ZMIZ2: variants seen among roughly 807,000 people sequenced by gnomAD.
The protein encoded by ZMIZ2 is zinc finger MIZ domain-containing protein 2.
Under a neutral mutation model 93.9 loss-of-function variants are expected in ZMIZ2, and 26 were observed. The observed-to-expected ratio is 0.28, with a 90% confidence interval of 0.20 to 0.38. ZMIZ2 has a LOEUF of 0.38. Among genes scored for constraint, ZMIZ2 ranks in the 10% least tolerant of loss-of-function variants. The pLI, the probability that ZMIZ2 is intolerant of heterozygous loss-of-function variation, is 1.00. For synonymous variants in ZMIZ2, 485 were observed against 516.4 expected (o/e 0.94, Z 0.82); for missense variants, 1,023 against 1,235.0 (o/e 0.83, Z 2.57).
At position 44,763,587 on chromosome 7, in the gene ZMIZ2, G is replaced by C. The variant is rs541087759; in HGVS notation, c.1860+174G>C. On this transcript the variant is annotated intron_variant, in intron 13 of 18. Coordinates refer to ENST00000309315, the MANE Select transcript of ZMIZ2 (RefSeq NM_031449.4). The surrounding 1 kb of genome is among the most constrained non-coding windows in gnomAD (Gnocchi z 5.6). ...GTGGGCCTGGCTCCCCCAAGACTAG[G>C]CTATTTTTTCTTCCAAATATAATTG... 4 of 779,398 alleles carry C rather than the reference G, an allele frequency of 5.1e-6. No homozygotes were observed. The highest frequency in any genetic ancestry group is 1.8e-5 in the African/African-American group (1 of 56,536). The allele number at this position is 779,398 out of a possible 1,614,324, so 48.3% of individuals were successfully genotyped here.
In ZMIZ2 at chr7:44,757,896, C is replaced by T. The variant is rs1177641249; in HGVS notation, c.601C>T (p.Pro201Ser). The change falls in exon 6 of 19, where the codon CCC becomes TCC. Residue 201 changes from proline to serine, a missense_variant. Physicochemically the swap from Pro to Ser is moderately conservative, Grantham distance 74. Coordinates refer to ENST00000309315, the MANE Select transcript of ZMIZ2 (RefSeq NM_031449.4). ...CAGCCAGTTTCTGCAGCATGGAGGT[C>T]CCCGGGGGCCTAGTGTCCCCGCTGG... Reference protein sequence around the residue: ...FNSQFLQHGGPRGPSVPAGMN... With the variant: ...FNSQFLQHGGSRGPSVPAGMN... 6.2e-7 allele frequency: 1 copy of T among 1,603,938 alleles called. No homozygotes were observed. Among genetic ancestry groups the T allele is most frequent in the Admixed American group, 1.7e-5 (1 of 58,304 alleles).
In ZMIZ2 at chr7:44,766,739, T is replaced by TGGAACAG. The variant is rs1373426533; in HGVS notation, c.2655+80_2655+81insCAGGGAA. On this transcript the variant is annotated intron_variant, in intron 18 of 18. Coordinates refer to ENST00000309315, the MANE Select transcript of ZMIZ2 (RefSeq NM_031449.4). The surrounding 1 kb of genome is among the most constrained non-coding windows in gnomAD (Gnocchi z 4.4). ...TGGTGTGTCTGTTCCAGGTGCGTTC[T>TGGAACAG]GGAAGGGAAGACAGTGACCCCTCAG... The TGGAACAG allele has an allele frequency of 3.2e-6, 5 of 1,577,406 alleles. No homozygotes were observed. Among genetic ancestry groups the TGGAACAG allele is most frequent in the Non-Finnish European group, 4.3e-6 (5 of 1,158,918 alleles).
chr7:44,761,300 CAGGCCTGCCAAGCAGTGCCTG>C lies in ZMIZ2; in HGVS notation c.1241-147_1241-127del. 7.7e-7 allele frequency: 1 copy of C among 1,296,346 alleles called. No homozygotes were observed. The highest frequency in any genetic ancestry group is 1.0e-6 in the Non-Finnish European group (1 of 964,416). The allele number at this position is 1,296,346 out of a possible 1,614,324, so 80.3% of individuals were successfully genotyped here. A position where few individuals can be genotyped will look rare whatever the true frequency, so the allele number is the denominator to read the frequency against. On this transcript the variant is annotated intron_variant, in intron 9 of 18. Coordinates refer to ENST00000309315, the MANE Select transcript of ZMIZ2 (RefSeq NM_031449.4). This position sits in a 1 kb window ranked among gnomAD's most constrained non-coding sequence, Gnocchi z 5.8. ...ATGGCCCCAGCCCCAGGGCACCACT[CAGGCCTGCCAAGCAGTGCCTG>C]ACAGGAGGGGCTCCCTTCACCAAGG...
At position 44,759,289 on chromosome 7, in the gene ZMIZ2, A is replaced by G; in HGVS notation, c.822A>G (p.Pro274=). Residue 274 remains proline, a synonymous_variant, in exon 7 of 19, where the codon CCA becomes CCG. Transcript: ENST00000309315. ...TTTTGCCTCTTTTTCAGGTGTATCC[A>G]GGGCAGCAGTATCTGCAAGGAGGCC... ...GVKRTYSEVY[P]GQQYLQGGQY... is the part of the protein sequence containing the mutation. 1 of 1,541,918 alleles carries G rather than the reference A, an allele frequency of 6.5e-7. No homozygotes were observed. Among genetic ancestry groups the G allele is most frequent in the Non-Finnish European group, 8.7e-7 (1 of 1,145,196 alleles).
Position 44,766,292 on chromosome 7 carries a change from C to T in ZMIZ2, c.2371C>T (p.Leu791Phe). ...ISYQSDIPSS[L>F]LTSEKSTACL... ...CTACCAGTCTGACATTCCCAGCAGC[C>T]TCCTGACTTCAGAGAAGTCTACCGC... Residue 791 changes from leucine (L) to phenylalanine (F), a missense_variant, in exon 17 of 19, where the codon CTC becomes TTC. This residue lies in a region of ZMIZ2 where 319 missense variants were observed against 358.8 expected (regional missense o/e 0.89). Coordinates refer to ENST00000309315, the MANE Select transcript of ZMIZ2 (RefSeq NM_031449.4). The surrounding 1 kb of genome is among the most constrained non-coding windows in gnomAD (Gnocchi z 4.4). 6.3e-7 allele frequency: 1 copy of T among 1,599,228 alleles called. No individual in the cohort carries two copies. Among genetic ancestry groups the T allele is most frequent in the South Asian group, 1.1e-5 (1 of 88,300 alleles).
rs1180736920 is a variant in ZMIZ2 at position 44,768,790 on chromosome 7, A to G, written c.*1167A>G. 2 of 152,224 alleles carry G rather than the reference A, an allele frequency of 1.3e-5. No homozygotes were observed. Among genetic ancestry groups the G allele is most frequent in the African/African-American group, 4.8e-5 (2 of 41,456 alleles). 9.4% of individuals were successfully genotyped at this position (152,224 alleles called of 1,614,324 possible). The stretch of plus-strand genomic sequence containing the variant: ...TGGGCTGTGCCTGCAAAGCTTGTGC[A>G]GGACCTGGGGGCCAGGTCGACCTTC... On this transcript the variant is annotated 3_prime_UTR_variant, in exon 19 of 19. Transcript: ENST00000309315.
At chr7:44,754,810 C>T (rs773225452) in intron 1 of ZMIZ2, among the ~76,000 whole-genome samples, 1 of 152,184 alleles carries the variant, frequency 6.6e-6, no homozygotes, top group East Asian at 1.9e-4. Context: ...GTATCCAAGG[C>T]GAGCATGCCT....
chr7:44,759,238 T>A (rs1016486998), intron 6 of ZMIZ2, 43 bp from the exon 7 acceptor site: 7 of 1,453,028 alleles, frequency 4.8e-6, no homozygotes, highest in Non-Finnish European at 6.4e-6. Flanking sequence ...CCAGCTCCCC[T>A]GATGCCTTTT....
Position 44,762,965 on chromosome 7 carries a change from G to T in ZMIZ2, c.1681G>T (p.Ala561Ser). ...QGLLKKRLLP[A>S]EHCITKIKRN... Reference sequence around the variant, plus strand: ...CCTCCTCAAAAAGCGCCTCCTGCCTGCTGAGCACTGCATCACCAAGAGTGA... The same window carrying T: ...CCTCCTCAAAAAGCGCCTCCTGCCTTCTGAGCACTGCATCACCAAGAGTGA... Residue 561 changes from alanine to serine, a missense_variant, in exon 12 of 19, where the codon GCT (alanine) becomes TCT (serine). Physicochemically the swap from Ala to Ser is moderately conservative, Grantham distance 99. Around this residue, in one of 3 missense-constraint regions of ZMIZ2, gnomAD observed 656 missense variants for 777.1 expected, o/e 0.84. Transcript: ENST00000309315. 1 of 1,613,224 alleles carries T rather than the reference G, an allele frequency of 6.2e-7. No individual in the cohort carries two copies. Among genetic ancestry groups the T allele is most frequent in the Non-Finnish European group, 8.5e-7 (1 of 1,179,486 alleles).
At position 44,767,504 on chromosome 7, in the gene ZMIZ2, C is replaced by T; in HGVS notation, c.2656-12C>T. The T allele has an allele frequency of 1.2e-6, 2 of 1,612,074 alleles. No homozygotes were observed. Among genetic ancestry groups the T allele is most frequent in the Non-Finnish European group, 1.7e-6 (2 of 1,178,174 alleles). ...TGACCAAAGCTGCTAACAGAGTTCACTTTGTCCTCAGCTGCTCCCGGAACT... is the reference window on the plus strand; with the variant it reads ...TGACCAAAGCTGCTAACAGAGTTCATTTTGTCCTCAGCTGCTCCCGGAACT... On this transcript the variant is annotated splice_polypyrimidine_tract_variant and intron_variant, in intron 18 of 18. Transcript: ENST00000309315.
Position 44,762,995 on chromosome 7 carries a change from C to A in ZMIZ2, c.1702+9C>A. 1 of 1,604,148 alleles carries A rather than the reference C, an allele frequency of 6.2e-7. No homozygotes were observed. On this transcript the variant is annotated intron_variant, in intron 12 of 18. Transcript: ENST00000309315. ...GCACTGCATCACCAAGAGTGAGTGG[C>A]TCCTGCCCCTCAGCTGCCAGGCAGC... is the stretch of plus-strand genomic sequence containing the variant.
Position 44,761,892 on chromosome 7 carries a change from C to T in ZMIZ2, c.1583C>T (p.Thr528Ile). 6.2e-7 allele frequency: 1 copy of T among 1,613,226 alleles called. No homozygotes were observed. Among genetic ancestry groups the T allele is most frequent in the Non-Finnish European group, 8.5e-7 (1 of 1,179,996 alleles). The change falls in exon 11 of 19, where the codon ACC becomes ATC. Residue 528 changes from threonine (T) to isoleucine (I), a missense_variant. This residue lies in a region of ZMIZ2 where 656 missense variants were observed against 777.1 expected (regional missense o/e 0.84). Coordinates refer to ENST00000309315, the MANE Select transcript of ZMIZ2 (RefSeq NM_031449.4). The surrounding 1 kb of genome is among the most constrained non-coding windows in gnomAD (Gnocchi z 5.8). ...CGCAACACCATCCAGATCACCGTCA[C>T]CGCCTGCTGCTGCGTGCGTGTCCTG... is the stretch of plus-strand genomic sequence containing the variant. Reference protein sequence around the residue: ...PGRNTIQITVTACCCSHLFVL... With the variant: ...PGRNTIQITVIACCCSHLFVL...
intron 14 of ZMIZ2, 140 bp downstream of exon 14, chr7:44,764,626 C>T (rs2289379): frequency 0.36 from 343,057 of 944,746 alleles, 67,102 homozygotes; most frequent in Non-Finnish European, 0.39. Context: ...TGCAGCTCAG[C>T]GCAGAGAGCT....
rs769773003 is a variant in ZMIZ2, at chr7:44,761,487, G to A, written c.1279G>A (p.Val427Met). The change falls in exon 10 of 19, where the codon GTG (valine) becomes ATG (methionine). Residue 427 changes from valine (V) to methionine (M), a missense_variant. Around this residue, in one of 3 missense-constraint regions of ZMIZ2, gnomAD observed 656 missense variants for 777.1 expected, o/e 0.84. Transcript: ENST00000309315. The surrounding 1 kb of genome is among the most constrained non-coding windows in gnomAD (Gnocchi z 5.8). Reference sequence around the variant, plus strand: ...TGACGAGTTGCGGCTGACCTTCCCTGTGCGCGATGGGGTGGTCCTGGAGCC... The same window carrying A: ...TGACGAGTTGCGGCTGACCTTCCCTATGCGCGATGGGGTGGTCCTGGAGCC... ...PCDELRLTFP[V>M]RDGVVLEPFR... 1 of 1,613,962 alleles carries A rather than the reference G, an allele frequency of 6.2e-7. No individual in the cohort carries two copies. Among genetic ancestry groups the A allele is most frequent in the Admixed American group, 1.7e-5 (1 of 60,030 alleles).
rs1026977230 is a variant in ZMIZ2 at position 44,765,565 on chromosome 7, A to T, written c.2228A>T (p.Asp743Val). ...LQPPSVPAPS[D>V]YPGQGSSFLG... ...CCCCCCTCAGTCCCTGCCCCCAGCG[A>T]CTACCCTGGCCAGGGTAAGTACAGC... The change falls in exon 16 of 19, where the codon GAC becomes GTC. Residue 743 changes from aspartate (D) to valine (V), a missense_variant. Around this residue, in one of 3 missense-constraint regions of ZMIZ2, gnomAD observed 319 missense variants for 358.8 expected, o/e 0.89. Coordinates refer to ENST00000309315, the MANE Select transcript of ZMIZ2 (RefSeq NM_031449.4). The surrounding 1 kb of genome is among the most constrained non-coding windows in gnomAD (Gnocchi z 4.1). The T allele has an allele frequency of 7.8e-7, 1 of 1,286,316 alleles. No homozygotes were observed. The highest frequency in any genetic ancestry group is 1.0e-6 in the Non-Finnish European group (1 of 986,016). The allele number at this position is 1,286,316 out of a possible 1,614,324, so 79.7% of individuals were successfully genotyped here.
rs1583625184 is a variant in ZMIZ2, at chr7:44,757,686, A to C, written c.552+125A>C. ...TGCCAGGGCTCATGAAGCCAGTAAA[A>C]GAGAGATGTGTGGGAAGGAGTGAGG... On this transcript the variant is annotated intron_variant, in intron 5 of 18. Coordinates refer to ENST00000309315, the MANE Select transcript of ZMIZ2 (RefSeq NM_031449.4). 5.6e-6 allele frequency: 8 copies of C among 1,436,850 alleles called. No homozygotes were observed. The East Asian group carries it at 1.7e-4, about 31-fold the overall frequency. 89.0% of individuals were successfully genotyped at this position (1,436,850 alleles called of 1,614,324 possible). A position where few individuals can be genotyped will look rare whatever the true frequency, so the allele number is the denominator to read the frequency against.
At chr7:44,749,372 C>T (rs553006144) in intron 1 of ZMIZ2, among the ~76,000 whole-genome samples, 14 of 152,294 alleles carry the variant, frequency 9.2e-5, no homozygotes, top group African/African-American at 3.4e-4. Flanking sequence ...CTGATCGTTC[C>T]TAGCTTTGGG....
At position 44,766,219 on chromosome 7, in the gene ZMIZ2, C is replaced by T. The variant is rs1485747830; in HGVS notation, c.2298C>T (p.Pro766=). 6.2e-7 allele frequency: 1 copy of T among 1,600,572 alleles called. No homozygotes were observed. The change falls in exon 17 of 19, where the codon CCC becomes CCT. Residue 766 remains proline, a synonymous_variant. Transcript: ENST00000309315. This position sits in a 1 kb window ranked among gnomAD's most constrained non-coding sequence, Gnocchi z 4.4. The part of the protein sequence containing the change: ...TFPESFPPTT[P]STPTLAEFTP... ...CTGAGTCCTTCCCACCCACCACGCC[C>T]AGCACCCCAACCCTTGCTGAGTTCA...
intron 5 of ZMIZ2, 119 bp downstream of exon 5, chr7:44,757,680 A>G: frequency 6.9e-7 from 1 of 1,439,112 alleles, no homozygotes; most frequent in Non-Finnish European, 9.2e-7. Flanking sequence ...TCATGAAGCC[A>G]GTAAAAGAGA....
Sources: allele counts gnomAD v4.1 joint callset (sites outside exome capture counted in the v4.1 genomes callset), GRCh38; gene constraint gnomAD v4.1.1; regional missense constraint gnomAD v4.1.1; non-coding constraint Gnocchi (gnomAD v3.1); transcripts MANE v1.5; gene names NCBI Gene and HGNC (gene_info 2026-07-23, HGNC 2026-07-21).